DTD1: variants seen among roughly 807,000 people sequenced by gnomAD.
DTD1 encodes the protein D-aminoacyl-tRNA deacylase 1, also known as D-tyrosyl-tRNA deacylase 1 homolog.
DTD1 carries 13 observed loss-of-function variants against 25.6 expected under a neutral mutation model. The observed-to-expected ratio is 0.51, with a 90% CI of 0.33 to 0.81. The LOEUF is 0.81. Ranked by LOEUF, DTD1 falls within the 30% of genes least tolerant of loss-of-function variation. The probability of loss-of-function intolerance (pLI) is 0.02; values close to 1 mark genes in which losing one functional copy is unlikely to be tolerated. For missense variants in DTD1, 193 were observed against 266.4 expected (o/e 0.72, Z 1.92); for synonymous variants, 110 against 103.6 (o/e 1.06, Z -0.37).
At chr20:18,725,506 T>G (rs182836127) in intron 4 of DTD1, among the ~76,000 whole-genome samples, 14 of 148,346 alleles carry the variant, frequency 9.4e-5, no homozygotes, top group African/African-American at 3.4e-4. Flanking sequence ...ATGTCACTGG[T>G]TTAAATAATT....
At chr20:18,649,826 G>T (rs2060866906) in intron 4 of DTD1, among the ~76,000 whole-genome samples, 1 of 152,174 alleles carries the variant, frequency 6.6e-6, no homozygotes, top group African/African-American at 2.4e-5. Context: ...AGGCAGCAGA[G>T]AAAGGTGTCA....
intron 4 of DTD1, among the ~76,000 whole-genome samples, chr20:18,672,196 T>C (rs2060953400): frequency 6.6e-6 from 1 of 152,164 alleles, no homozygotes; most frequent in Non-Finnish European, 1.5e-5. Context: ...ATTGCACTAC[T>C]GCACTCTAGC....
chr20:18,743,733 C>T (rs1028559290), intron 4 of DTD1, among the ~76,000 whole-genome samples: 1 of 147,408 alleles, frequency 6.8e-6, no homozygotes, highest in African/African-American at 2.5e-5. Flanking sequence ...TAGAAGGTAA[C>T]TTGATGAGAA....
intron 5 of DTD1, among the ~76,000 whole-genome samples, chr20:18,757,756 A>G (rs1185971284): frequency 2.0e-5 from 3 of 152,078 alleles, no homozygotes; most frequent in Non-Finnish European, 4.4e-5. Context: ...TCTCTGCCAG[A>G]CTTTGGTATC....
intron 5 of DTD1, among the ~76,000 whole-genome samples, chr20:18,762,491 A>G (rs2061366958): frequency 6.6e-6 from 1 of 152,186 alleles, no homozygotes; most frequent in African/African-American, 2.4e-5. Flanking sequence ...CTAAGCATTT[A>G]GTTTATTCCC....
intron 4 of DTD1, among the ~76,000 whole-genome samples, chr20:18,673,669 C>T (rs1489081667): frequency 6.6e-6 from 1 of 152,098 alleles, no homozygotes; most frequent in African/African-American, 2.4e-5. Context: ...AATGGTATTT[C>T]TAGTTTGGGC....
At chr20:18,588,257 C>T (rs2060574157) in intron 1 of DTD1, 142 bp downstream of exon 1, 2 of 835,430 alleles carry the variant, frequency 2.4e-6, no homozygotes, top group Non-Finnish European at 1.6e-6. Context: ...GCTCGGTCCG[C>T]GCAGCCGCGA....
At chr20:18,623,727 G>A (rs767195986) in intron 3 of DTD1, among the ~76,000 whole-genome samples, 2 of 151,972 alleles carry the variant, frequency 1.3e-5, no homozygotes, top group African/African-American at 2.4e-5. Flanking sequence ...CGTCCAGCCG[G>A]GTCTCCTTTC....
At chr20:18,681,164 G>A (rs1453353765) in intron 4 of DTD1, among the ~76,000 whole-genome samples, 5 of 152,116 alleles carry the variant, frequency 3.3e-5, no homozygotes, top group African/African-American at 4.8e-5. Flanking sequence ...GTGGTCCTGA[G>A]TACTGAGCCA....
At chr20:18,616,362 C>T (rs1393877200) in intron 3 of DTD1, among the ~76,000 whole-genome samples, 1 of 152,174 alleles carries the variant, frequency 6.6e-6, no homozygotes, top group Non-Finnish European at 1.5e-5. Flanking sequence ...AAATGGCAAA[C>T]TATATCTACT....
At chr20:18,641,825 CTGTT>C (rs1424712332) in intron 4 of DTD1, among the ~76,000 whole-genome samples, 1 of 152,142 alleles carries the variant, frequency 6.6e-6, no homozygotes, top group African/African-American at 2.4e-5. Flanking sequence ...CCTTTTCACT[CTGTT>C]GGTGGTGTTT....
Position 18,714,571 on chromosome 20 carries a change from A to C in DTD1, c.478-29529A>C, listed in dbSNP as rs185132459. On this transcript the variant is annotated intron_variant, in intron 4 of 5. Coordinates refer to ENST00000377452, the MANE Select transcript of DTD1 (RefSeq NM_080820.6). ...TGGCTCCTGTGCACGTAGGCTTCTG[A>C]AGAAGCACAGATCCGGGGTGGTGGA... Among the ~76,000 whole-genome samples the C allele has an allele frequency of 2.2e-4, 33 of 152,272 alleles. No homozygotes were observed. In the East Asian group the frequency reaches 6.2e-3, roughly 29 times the overall value.
In DTD1 at chr20:18,744,252, G is replaced by A. The variant is rs2061290893; in HGVS notation, c.630G>A (p.Ter210=). ...EGDVSSEREP[*] is the part of the protein sequence containing the mutation. ...ACGTGTCCTCTGAACGGGAGCCGTA[G>A]CTCAGGAGGCAGAATTCAGGTAGGA... The change falls in exon 5 of 6, where the codon TAG becomes TAA. Residue 210 remains the stop codon, a stop_retained_variant. Transcript: ENST00000377452. 6.2e-7 allele frequency: 1 copy of A among 1,610,656 alleles called. No homozygotes were observed.
At chr20:18,626,994 T>G (rs912622895) in intron 3 of DTD1, among the ~76,000 whole-genome samples, 1 of 152,222 alleles carries the variant, frequency 6.6e-6, no homozygotes, top group East Asian at 1.9e-4. Context: ...GTCTTTTTAG[T>G]TAGTCTGACA....
At chr20:18,731,041 C>T (rs904983316) in intron 4 of DTD1, among the ~76,000 whole-genome samples, 2 of 152,170 alleles carry the variant, frequency 1.3e-5, no homozygotes, top group African/African-American at 4.8e-5. Flanking sequence ...TGTCCACTTG[C>T]ATTTAGTGGT....
chr20:18,608,386 A>G (rs1047175798), intron 3 of DTD1, among the ~76,000 whole-genome samples: 6 of 147,262 alleles, frequency 4.1e-5, no homozygotes, highest in African/African-American at 1.5e-4. Context: ...TTTTTTAAAA[A>G]GTTTATATGC....
At chr20:18,664,402 G>A (rs1054482054) in intron 4 of DTD1, among the ~76,000 whole-genome samples, 1 of 152,212 alleles carries the variant, frequency 6.6e-6, no homozygotes, top group African/African-American at 2.4e-5. Flanking sequence ...TTCTAATGAT[G>A]AGGGGACCGA....
rs78640749 is a variant in DTD1 at position 18,619,448 on chromosome 20, G to A, written c.371-8679G>A. On this transcript the variant is annotated intron_variant, in intron 3 of 5. Transcript: ENST00000377452. ...TTGTTTTTAATTTTTTTTTGGAGAC[G>A]GAGTGTCACTCTGTTGTCCAGGCTG... 1.7e-3 allele frequency among the ~76,000 whole-genome samples: 251 copies of A among 151,356 alleles called. 2 individuals are homozygous for A. Among genetic ancestry groups the A allele is most frequent in the African/African-American group, 5.5e-3 (225 of 41,234 alleles).
At chr20:18,721,482 A>G (rs2061203409) in intron 4 of DTD1, among the ~76,000 whole-genome samples, 1 of 152,228 alleles carries the variant, frequency 6.6e-6, no homozygotes, top group African/African-American at 2.4e-5. Context: ...TTTTGTATCT[A>G]TGTAGAAGTG....
Sources: allele counts gnomAD v4.1 joint callset (sites outside exome capture counted in the v4.1 genomes callset), GRCh38; gene constraint gnomAD v4.1.1; transcripts MANE v1.5; gene names NCBI Gene and HGNC (gene_info 2026-07-23, HGNC 2026-07-21).